The following MBD5 variants were observed in gnomAD, a reference collection of about 807,000 sequenced individuals.
MBD5 encodes methyl-CpG-binding domain protein 5.
MBD5 carries 13 observed loss-of-function variants against 117.3 expected under a neutral mutation model. The ratio of observed to expected loss-of-function variants is 0.11; its 90% CI spans 0.07 to 0.18. The LOEUF is 0.18. Ranked by LOEUF, MBD5 falls within the 10% of genes least tolerant of loss-of-function variation. The pLI is 1.00. For missense variants in MBD5, 1,879 were observed against 2,093.8 expected (o/e 0.90, Z 2.00); for synonymous variants, 727 against 766.4 (o/e 0.95, Z 0.85).
intron 1 of MBD5, among the ~76,000 whole-genome samples, chr2:148,038,520 C>CA (rs59293929): frequency 0.013 from 1,050 of 83,160 alleles, 2 homozygotes; most frequent in East Asian, 0.029. Context: ...TGATTGCTGA[C>CA]AAAAAAAAAA....
At chr2:148,323,224 T>A (rs1160662575) in intron 3 of MBD5, among the ~76,000 whole-genome samples, 1 of 152,150 alleles carries the variant, frequency 6.6e-6, no homozygotes, top group Non-Finnish European at 1.5e-5. Flanking sequence ...ATGTGCCACA[T>A]TTTCTTAATC....
intron 8 of MBD5, chr2:148,481,754 C>G (rs1167733297): frequency 6.6e-6 from 1 of 151,966 alleles, no homozygotes; most frequent in Non-Finnish European, 1.5e-5. Flanking sequence ...GGCTGTACCC[C>G]GAGAGATGAG....
chr2:148,467,316 A>T (rs114183744), intron 7 of MBD5, among the ~76,000 whole-genome samples: 2,271 of 152,298 alleles, frequency 0.015, 59 homozygotes, highest in African/African-American at 0.051. Flanking sequence ...AAAATTCTGT[A>T]TGATGAATCT....
At chr2:148,210,844 T>C (rs1356197074) in intron 2 of MBD5, among the ~76,000 whole-genome samples, 2 of 152,142 alleles carry the variant, frequency 1.3e-5, no homozygotes, top group Non-Finnish European at 2.9e-5. Context: ...TACTAAACTT[T>C]CAGTTGTATC....
intron 7 of MBD5, among the ~76,000 whole-genome samples, chr2:148,464,464 A>G (rs956911215): frequency 2.0e-5 from 3 of 152,122 alleles, no homozygotes; most frequent in Non-Finnish European, 4.4e-5. Flanking sequence ...AAATTTACCA[A>G]TTAACATTTT....
chr2:148,125,547 G>A (rs563137657), intron 1 of MBD5, among the ~76,000 whole-genome samples: 1 of 152,236 alleles, frequency 6.6e-6, no homozygotes, highest in Non-Finnish European at 1.5e-5. Flanking sequence ...AAATTCTGAT[G>A]ATATTCCCTC....
chr2:148,211,774 C>T (rs949350594), intron 2 of MBD5, among the ~76,000 whole-genome samples: 2 of 152,128 alleles, frequency 1.3e-5, no homozygotes, highest in African/African-American at 2.4e-5. Flanking sequence ...GAATCAGGAT[C>T]TCGCTCTGTC....
At chr2:148,456,045 T>G (rs973306725) in intron 4 of MBD5, among the ~76,000 whole-genome samples, 4 of 152,132 alleles carry the variant, frequency 2.6e-5, no homozygotes, top group African/African-American at 9.7e-5. Flanking sequence ...AACTTCCTCA[T>G]CCCTCCCGTC....
intron 1 of MBD5, among the ~76,000 whole-genome samples, chr2:148,121,703 C>A (rs1558934525): frequency 6.6e-6 from 1 of 151,984 alleles, no homozygotes; most frequent in Non-Finnish European, 1.5e-5. Context: ...AAACTGATTC[C>A]TTTGAGAACC....
intron 1 of MBD5, among the ~76,000 whole-genome samples, chr2:148,107,382 T>A (rs1465882333): frequency 1.3e-5 from 2 of 152,058 alleles, no homozygotes; most frequent in African/African-American, 2.4e-5. Flanking sequence ...CCAGTTGGGA[T>A]TCATTGGGTT....
intron 3 of MBD5, among the ~76,000 whole-genome samples, chr2:148,277,293 T>A (rs1280056586): frequency 6.6e-6 from 1 of 152,172 alleles, no homozygotes; most frequent in Non-Finnish European, 1.5e-5. Context: ...AAAATATAGA[T>A]CATTAAAATT....
chr2:148,107,812 A>T (rs576148988), intron 1 of MBD5, among the ~76,000 whole-genome samples: 2 of 152,124 alleles, frequency 1.3e-5, no homozygotes, highest in African/African-American at 4.8e-5. Flanking sequence ...TATGTTTTAC[A>T]TATAATGTCT....
intron 4 of MBD5, among the ~76,000 whole-genome samples, chr2:148,446,231 G>T (rs554549752): frequency 1.3e-5 from 2 of 151,916 alleles, no homozygotes; most frequent in Non-Finnish European, 2.9e-5. Flanking sequence ...GAATGGTATT[G>T]CCTAGGTTTT....
intron 11 of MBD5, among the ~76,000 whole-genome samples, chr2:148,499,857 T>G (rs1255264745): frequency 6.6e-6 from 1 of 152,140 alleles, no homozygotes; most frequent in African/African-American, 2.4e-5. Flanking sequence ...GTATGAATAT[T>G]TCCCCAGAAA....
chr2:148,384,670 A>G (rs894597349), intron 4 of MBD5, among the ~76,000 whole-genome samples: 1 of 152,052 alleles, frequency 6.6e-6, no homozygotes, highest in Non-Finnish European at 1.5e-5. Context: ...CCTAAGCCAA[A>G]AGAACAAAGC....
intron 4 of MBD5, among the ~76,000 whole-genome samples, chr2:148,390,425 T>TTA (rs140339054): frequency 0.02 from 2,963 of 151,112 alleles, 76 homozygotes; most frequent in African/African-American, 0.066. Context: ...TCTATAATAA[T>TTA]TATATATATA....
At chr2:148,434,646 C>T (rs183053740) in intron 4 of MBD5, among the ~76,000 whole-genome samples, 2 of 152,092 alleles carry the variant, frequency 1.3e-5, no homozygotes, top group East Asian at 3.9e-4. Context: ...TGGTTCTTTG[C>T]ATTTGCGAAG....
intron 4 of MBD5, among the ~76,000 whole-genome samples, chr2:148,447,340 T>C (rs908689615): frequency 2.0e-5 from 3 of 152,060 alleles, no homozygotes; most frequent in Non-Finnish European, 4.4e-5. Flanking sequence ...GAATCACCAG[T>C]CTCAATTTCC....
Position 148,458,518 on chromosome 2 carries a change from A to G in MBD5, c.-241A>G, listed in dbSNP as rs1706954707. ...GAAGCACTCATTTTTACCCATGTAG[A>G]CCATCCTTAGGAATTAAATATTGGT... On this transcript the variant is annotated 5_prime_UTR_variant, in exon 5 of 14. Coordinates refer to ENST00000642680, the MANE Select transcript of MBD5 (RefSeq NM_001378120.1). 1.7e-6 allele frequency: 1 copy of G among 600,214 alleles called. No homozygotes were observed. Among genetic ancestry groups the G allele is most frequent in the South Asian group, 2.0e-5 (1 of 49,012 alleles). The allele number at this position is 600,214 out of a possible 1,614,324, so 37.2% of individuals were successfully genotyped here.
Sources: gnomAD v4.1 joint callset for allele counts (sites outside exome capture counted in the v4.1 genomes callset) on GRCh38, gnomAD v4.1.1 for gene constraint, MANE v1.5 for transcripts, NCBI Gene and HGNC (gene_info 2026-07-23, HGNC 2026-07-21) for gene names.